INTS10: variants seen among roughly 807,000 people sequenced by gnomAD.
The protein encoded by INTS10 is chromosome 8 open reading frame 35.
A neutral mutation model predicts 94.4 loss-of-function variants in INTS10; 44 were observed. The observed-to-expected ratio is 0.47, with a 90% CI of 0.37 to 0.60. The LOEUF is 0.60. INTS10 is among the 20% of genes least tolerant of loss of function. The pLI, the probability that INTS10 is intolerant of heterozygous loss-of-function variation, is 0.00. For missense variants in INTS10, 797 were observed against 868.7 expected, an observed-to-expected ratio of 0.92 and a Z score of 1.04; for synonymous variants, 341 against 320.7, an observed-to-expected ratio of 1.06 and a Z score of -0.68.
Position 19,824,056 on chromosome 8 carries a change from C to G in INTS10, c.836+12C>G. On this transcript the variant is annotated intron_variant, in intron 7 of 16. Transcript: ENST00000397977. ...GATAAAGGAAGACGGTAATAAATAG[C>G]TTATTTCCAGAATTGCCTATTGATT... 1 of 1,566,826 alleles carries G rather than the reference C, an allele frequency of 6.4e-7. No individual in the cohort carries two copies. Among genetic ancestry groups the G allele is most frequent in the Non-Finnish European group, 8.7e-7 (1 of 1,155,830 alleles).
chr8:19,817,433 T>TC lies in INTS10; in HGVS notation c.-100dup. On this transcript the variant is annotated 5_prime_UTR_variant, in exon 1 of 17. The change abolishes the stop of an existing upstream ORF in the 5' untranslated region. Coordinates refer to ENST00000397977, the MANE Select transcript of INTS10 (RefSeq NM_018142.4). Reference sequence around the variant, plus strand: ...GCGCCTCCAGACATGCGCAGTAGCCTCCCCCGCGGTGGCGGCGGCGGCGGC... The same window carrying TC: ...GCGCCTCCAGACATGCGCAGTAGCCTCCCCCCGCGGTGGCGGCGGCGGCGGC... 2.1e-6 allele frequency: 3 copies of TC among 1,418,908 alleles called. No homozygotes were observed. Among genetic ancestry groups the TC allele is most frequent in the Admixed American group, 2.2e-5 (1 of 46,112 alleles). 87.9% of individuals were successfully genotyped at this position (1,418,908 alleles called of 1,614,324 possible).
chr8:19,833,441 AT>A, intron 12 of INTS10, 120 bp downstream of exon 12: 1 of 669,862 alleles, frequency 1.5e-6, no homozygotes, highest in Non-Finnish European at 2.2e-6. Context: ...TTCTGCCTAG[AT>A]TTATTACTTA....
chr8:19,845,795 C>A lies in INTS10; in HGVS notation c.1974C>A (p.Ile658=), dbSNP rs1389260107. 1.2e-6 allele frequency: 2 copies of A among 1,607,942 alleles called. No homozygotes were observed. The highest frequency in any genetic ancestry group is 1.7e-5 in the Admixed American group (1 of 60,002). Residue 658 remains isoleucine (I), a splice_region_variant and synonymous_variant, in exon 16 of 17, where the codon ATC becomes ATA. Transcript: ENST00000397977. ...TACTACCCAATCAAGGAATGCTGATCAAGTAAGCATGTTCTCTTTTGCTCT... is the reference window on the plus strand; with the variant it reads ...TACTACCCAATCAAGGAATGCTGATAAAGTAAGCATGTTCTCTTTTGCTCT... The part of the protein sequence containing the change: ...LELLPNQGML[I]KHHTVTRGIT...
intron 11 of INTS10, 114 bp downstream of exon 11, chr8:19,832,224 C>T: frequency 1.5e-6 from 1 of 674,904 alleles, no homozygotes. Context: ...TCCACTGCCT[C>T]CTGACACCTG....
intron 13 of INTS10, chr8:19,841,877 T>A (rs1420563815): frequency 2.2e-6 from 1 of 454,720 alleles, no homozygotes; most frequent in Non-Finnish European, 4.4e-6. Flanking sequence ...TAGAATTCAA[T>A]AATATTTTAA....
intron 12 of INTS10, among the ~76,000 whole-genome samples, chr8:19,835,672 C>A (rs368276211): frequency 6.6e-6 from 1 of 152,172 alleles, no homozygotes; most frequent in South Asian, 2.1e-4. Context: ...CAGGCCTATC[C>A]AACTCCAGAG....
At chr8:19,836,366 G>C (rs1405277742) in intron 12 of INTS10, among the ~76,000 whole-genome samples, 2 of 152,172 alleles carry the variant, frequency 1.3e-5, no homozygotes, top group African/African-American at 4.8e-5. Flanking sequence ...GATGCAGACT[G>C]TCTGGATCAA....
intron 15 of INTS10, chr8:19,845,361 C>T: frequency 5.4e-6 from 1 of 185,518 alleles, no homozygotes; most frequent in Non-Finnish European, 1.1e-5. Context: ...CTCTTGTGAC[C>T]ATGTAGTATT....
At chr8:19,820,073 T>C (rs2066249523) in intron 3 of INTS10, among the ~76,000 whole-genome samples, 1 of 152,194 alleles carries the variant, frequency 6.6e-6, no homozygotes, top group African/African-American at 2.4e-5. Context: ...GATGCATAGG[T>C]CATTTGAACT....
Position 19,846,109 on chromosome 8 carries a change from AC to A in INTS10, c.1976+313del, listed in dbSNP as rs1170529796. 6.6e-6 allele frequency among the ~76,000 whole-genome samples: 1 copy of A among 152,108 alleles called. No individual in the cohort carries two copies. Among genetic ancestry groups the A allele is most frequent in the Non-Finnish European group, 1.5e-5 (1 of 68,024 alleles). ...TGAGTCTATAAGTTTCTGATTAGTC[AC>A]AGAGTGCCTTTAATTAAGAACAGTT... On this transcript the variant is annotated intron_variant, in intron 16 of 16. Coordinates refer to ENST00000397977, the MANE Select transcript of INTS10 (RefSeq NM_018142.4). This position sits in a 1 kb window ranked among gnomAD's most constrained non-coding sequence, Gnocchi z 4.2.
At chr8:19,829,865 G>A (rs1045701992) in intron 9 of INTS10, among the ~76,000 whole-genome samples, 14 of 151,954 alleles carry the variant, frequency 9.2e-5, no homozygotes, top group African/African-American at 3.1e-4. Flanking sequence ...ACTGGGTTTC[G>A]CCATGTTGGC....
chr8:19,824,540 C>G, intron 7 of INTS10: 1 of 350,968 alleles, frequency 2.8e-6, no homozygotes, highest in South Asian at 7.5e-5. Context: ...GAAATATGAA[C>G]TCTTAAGACG....
rs528220661 is a variant in INTS10 at position 19,835,321 on chromosome 8, G to A, written c.1531-1731G>A. Among the ~76,000 whole-genome samples, 11 of 152,172 alleles carry A rather than the reference G, an allele frequency of 7.2e-5. No homozygotes were observed. In the East Asian group the frequency reaches 1.9e-3, roughly 27 times the overall value. ...CATCCTTCTACTTAATTGAAGTATT[G>A]GTTTTCTTGGTGCTCAGTGTTGAAT... is the stretch of plus-strand genomic sequence containing the variant. On this transcript the variant is annotated intron_variant, in intron 12 of 16. Transcript: ENST00000397977.
chr8:19,817,472 G>A lies in INTS10; in HGVS notation c.-66G>A. The A allele has an allele frequency of 1.3e-6, 2 of 1,553,200 alleles. No homozygotes were observed. Among genetic ancestry groups the A allele is most frequent in the South Asian group, 2.3e-5 (2 of 85,240 alleles). On this transcript the variant is annotated 5_prime_UTR_variant, in exon 1 of 17. Coordinates refer to ENST00000397977, the MANE Select transcript of INTS10 (RefSeq NM_018142.4). Reference sequence around the variant, plus strand: ...GGCGGCGGCGGCGGTGGCTGCCGTGGCGGCTGAGAGTCCAGAGCCGGACGT... The same window carrying A: ...GGCGGCGGCGGCGGTGGCTGCCGTGACGGCTGAGAGTCCAGAGCCGGACGT...
chr8:19,848,320 C>A (rs1243415523), intron 16 of INTS10, among the ~76,000 whole-genome samples: 4 of 152,136 alleles, frequency 2.6e-5, no homozygotes, highest in African/African-American at 9.7e-5. Flanking sequence ...GGGATGCAAG[C>A]AGGTACAGTA....
chr8:19,833,440 G>A, intron 12 of INTS10, 119 bp downstream of exon 12: 1 of 677,058 alleles, frequency 1.5e-6, no homozygotes, highest in Non-Finnish European at 2.1e-6. Context: ...TTTCTGCCTA[G>A]ATTTATTACT....
intron 13 of INTS10, among the ~76,000 whole-genome samples, chr8:19,840,232 T>C (rs529862912): frequency 2.0e-5 from 3 of 152,222 alleles, no homozygotes; most frequent in Non-Finnish European, 2.9e-5. Context: ...ATGAAAGATA[T>C]GCAAAACCTC....
At chr8:19,817,748 G>C (rs938077352) in intron 1 of INTS10, 82 bp downstream of exon 1, 2 of 1,507,354 alleles carry the variant, frequency 1.3e-6, no homozygotes, top group Non-Finnish European at 1.8e-6. Flanking sequence ...CCAGAGCTGC[G>C]CCTGCCTGGG....
intron 8 of INTS10, 54 bp from the exon 9 acceptor site, chr8:19,826,372 G>A (rs1325058281): frequency 1.6e-5 from 24 of 1,545,124 alleles, no homozygotes; most frequent in East Asian, 4.7e-5. Context: ...ATGAGCCACC[G>A]CGCCTGGCCT....
Sources: gnomAD v4.1 joint callset for allele counts (sites outside exome capture counted in the v4.1 genomes callset) on GRCh38, gnomAD v4.1.1 for gene constraint, Gnocchi (gnomAD v3.1) non-coding constraint, MANE v1.5 for transcripts, NCBI Gene and HGNC (gene_info 2026-07-23, HGNC 2026-07-21) for gene names.